The following TAF4 variants were observed in gnomAD, a reference collection of about 807,000 sequenced individuals.
TAF4 encodes TATA-box binding protein associated factor 4, also known as transcription initiation factor TFIID subunit 4.
In TAF4, 9 loss-of-function variants were observed where a neutral mutation model predicts 90.3. The ratio of observed to expected loss-of-function variants is 0.10; its 90% CI spans 0.06 to 0.17. The LOEUF is 0.17. Among genes scored for constraint, TAF4 ranks in the 10% least tolerant of loss-of-function variants. The pLI is 1.00. For synonymous variants in TAF4, 818 were observed against 638.9 expected (o/e 1.28, Z -4.23); for missense variants, 1,351 against 1,370.7 (o/e 0.99, Z 0.23).
intron 1 of TAF4, among the ~76,000 whole-genome samples, chr20:62,051,041 C>T (rs1265618252): frequency 3.3e-5 from 5 of 152,180 alleles, no homozygotes; most frequent in Admixed American, 6.5e-5. Flanking sequence ...AGCACACTCT[C>T]GAAAAGTTAC....
rs2055690273 is a variant in TAF4 at position 62,000,190 on chromosome 20, T to C, written c.2721A>G (p.Gln907=). 4 of 1,614,278 alleles carry C rather than the reference T, an allele frequency of 2.5e-6. No individual in the cohort carries two copies. The highest frequency in any genetic ancestry group is 3.4e-6 in the Non-Finnish European group (4 of 1,180,046). The change falls in exon 11 of 15, where the codon CAA becomes CAG. Residue 907 remains glutamine (Q), a synonymous_variant. Coordinates refer to ENST00000252996, the MANE Select transcript of TAF4 (RefSeq NM_003185.4). ...DVVSYVSHAT[Q]QRLQNLVEKI... ...TCTCTACAAGATTCTGTAGCCTTTG[T>C]TGCGTGGCATGTGATACATAACTTA...
intron 1 of TAF4, among the ~76,000 whole-genome samples, chr20:62,045,179 T>A (rs1340942479): frequency 6.6e-6 from 1 of 152,126 alleles, no homozygotes; most frequent in Non-Finnish European, 1.5e-5. Flanking sequence ...GCCATGCCGC[T>A]CAAACGGAAT....
intron 1 of TAF4, among the ~76,000 whole-genome samples, chr20:62,018,957 C>T (rs938009105): frequency 2.6e-5 from 4 of 152,134 alleles, no homozygotes; most frequent in African/African-American, 9.7e-5. Context: ...TGGCCACCGC[C>T]GCCTCCCCCG....
At chr20:62,003,989 TAAG>T in intron 7 of TAF4, 111 bp from the exon 8 acceptor site, 1 of 1,338,594 alleles carries the variant, frequency 7.5e-7, no homozygotes, top group Non-Finnish European at 9.9e-7. Flanking sequence ...ACGCCCCCAG[TAAG>T]AAGTCCTAGG....
Position 62,065,361 on chromosome 20 carries a change from G to C in TAF4, c.450C>G (p.Pro150=). The C allele has an allele frequency of 2.1e-6, 2 of 969,048 alleles. No homozygotes were observed. Among genetic ancestry groups the C allele is most frequent in the Non-Finnish European group, 2.4e-6 (2 of 821,478 alleles). 60.0% of individuals were successfully genotyped at this position (969,048 alleles called of 1,614,324 possible). The change falls in exon 1 of 15, where the codon CCC becomes CCG. Residue 150 remains proline (P), a synonymous_variant. Coordinates refer to ENST00000252996, the MANE Select transcript of TAF4 (RefSeq NM_003185.4). ...VPAAAAVAAG[P]EPAPAGPAKP... The stretch of plus-strand genomic sequence containing the variant: ...TGGCGGGGCCGGCGGGGGCGGGCTC[G>C]GGCCCCGCGGCGACGGCGGCGGCGG...
Position 61,976,318 on chromosome 20 carries a change from T to G in TAF4, c.3108A>C (p.Ser1036=). The G allele has an allele frequency of 8.7e-6, 14 of 1,613,620 alleles. No individual in the cohort carries two copies. Among genetic ancestry groups the G allele is most frequent in the Non-Finnish European group, 1.2e-5 (14 of 1,180,016 alleles). ...GSGAEGSGPG[S]VVPGSSGVGT... is the part of the protein sequence containing the mutation. ...CGACACCCGAGCTGCCTGGGACCAC[T>G]GAGCCGGGGCCCGACCCCTGGTGAT... is the stretch of plus-strand genomic sequence containing the variant. Residue 1036 remains serine, a synonymous_variant, in exon 15 of 15, where the codon TCA becomes TCC. Transcript: ENST00000252996.
chr20:62,062,693 A>T (rs1457141307), intron 1 of TAF4, among the ~76,000 whole-genome samples: 1 of 152,210 alleles, frequency 6.6e-6, no homozygotes, highest in African/African-American at 2.4e-5. Flanking sequence ...AAAACAGAAG[A>T]TGGAAGTGAG....
chr20:62,010,375 C>T lies in TAF4; in HGVS notation c.1642-210G>A, dbSNP rs1224231708. 2.0e-5 allele frequency among the ~76,000 whole-genome samples: 3 copies of T among 152,084 alleles called. No homozygotes were observed. The highest frequency in any genetic ancestry group is 1.9e-4 in the East Asian group (1 of 5,176). ...GTGCCCTGACGATCGCAGTCCTGAG[C>T]GGGTGAGGAAGGCATGATTTGCACC... On this transcript the variant is annotated intron_variant, in intron 3 of 14. Coordinates refer to ENST00000252996, the MANE Select transcript of TAF4 (RefSeq NM_003185.4). This position sits in a 1 kb window ranked among gnomAD's most constrained non-coding sequence, Gnocchi z 4.5.
chr20:62,001,187 A>G (rs2055699396), intron 9 of TAF4, among the ~76,000 whole-genome samples: 1 of 152,130 alleles, frequency 6.6e-6, no homozygotes, highest in African/African-American at 2.4e-5. Flanking sequence ...CGTGTTTCCT[A>G]CAGACAAGGG....
chr20:62,008,897 T>C, intron 5 of TAF4, 155 bp downstream of exon 5: 1 of 992,716 alleles, frequency 1.0e-6, no homozygotes, highest in Non-Finnish European at 1.4e-6. Context: ...ACACACGCCT[T>C]CGACACGTGT....
chr20:62,008,260 G>A (rs2055758691), intron 5 of TAF4: 1 of 152,708 alleles, frequency 6.5e-6, no homozygotes, highest in East Asian at 1.9e-4. Context: ...GGCGGTGCCT[G>A]GACTGAACCC....
intron 1 of TAF4, among the ~76,000 whole-genome samples, chr20:62,034,210 G>A (rs561031003): frequency 4.6e-5 from 7 of 152,256 alleles, no homozygotes; most frequent in South Asian, 2.1e-4. Flanking sequence ...CTCTAGGTGC[G>A]ACCCTCAAAA....
chr20:62,003,982 C>T, intron 7 of TAF4, 104 bp from the exon 8 acceptor site: 1 of 1,385,012 alleles, frequency 7.2e-7, no homozygotes. Context: ...GCACCCCACG[C>T]CCCCAGTAAG....
intron 7 of TAF4, among the ~76,000 whole-genome samples, chr20:62,004,328 CT>C (rs60437230): frequency 0.029 from 3,424 of 117,112 alleles, 68 homozygotes; most frequent in African/African-American, 0.065. Flanking sequence ...CTTTTCTTTT[CT>C]TTTTTTTTTT....
chr20:61,994,191 T>C (rs1304022245), intron 14 of TAF4, among the ~76,000 whole-genome samples: 1 of 152,254 alleles, frequency 6.6e-6, no homozygotes, highest in Non-Finnish European at 1.5e-5. Flanking sequence ...TCGATATATG[T>C]TGTTGTTGTT....
intron 11 of TAF4, 147 bp downstream of exon 11, chr20:61,999,977 T>C: frequency 1.0e-6 from 1 of 964,810 alleles, no homozygotes. Flanking sequence ...AATCTAGTCC[T>C]ATAAGAAATC....
intron 14 of TAF4, among the ~76,000 whole-genome samples, chr20:61,984,126 C>T (rs956231649): frequency 3.3e-5 from 5 of 152,162 alleles, no homozygotes; most frequent in African/African-American, 7.2e-5. Context: ...AGCCAGCAGC[C>T]GGAAGACTGA....
Position 62,064,603 on chromosome 20 carries a change from C to A in TAF4, c.1208G>T (p.Gly403Val). The A allele has an allele frequency of 6.9e-7, 1 of 1,448,806 alleles. No homozygotes were observed. The highest frequency in any genetic ancestry group is 9.1e-7 in the Non-Finnish European group (1 of 1,103,226). 89.7% of individuals were successfully genotyped at this position (1,448,806 alleles called of 1,614,324 possible). A position where few individuals can be genotyped will look rare whatever the true frequency, so the allele number is the denominator to read the frequency against. Residue 403 changes from glycine to valine, a missense_variant, in exon 1 of 15, where the codon GGC becomes GTC. By Grantham distance (109) the Gly-to-Val change is moderately radical (BLOSUM62 -3). Coordinates refer to ENST00000252996, the MANE Select transcript of TAF4 (RefSeq NM_003185.4). The stretch of plus-strand genomic sequence containing the variant: ...GCTCTGGGTCACTGCGCCGGCCGCG[C>A]CTTTGGGCAGCCCGGTGGGGGTCCC... ...APGTPTGLPK[G>V]AAGAVTQSLS...
At chr20:62,045,974 A>C (rs934880103) in intron 1 of TAF4, among the ~76,000 whole-genome samples, 1 of 152,250 alleles carries the variant, frequency 6.6e-6, no homozygotes, top group East Asian at 1.9e-4. Flanking sequence ...ATTCTCTCCT[A>C]AAGAAATGCA....
Sources: gnomAD v4.1 joint callset for allele counts (sites outside exome capture counted in the v4.1 genomes callset) on GRCh38, gnomAD v4.1.1 for gene constraint, Gnocchi (gnomAD v3.1) non-coding constraint, MANE v1.5 for transcripts, NCBI Gene and HGNC (gene_info 2026-07-23, HGNC 2026-07-21) for gene names.